VWC2: variants seen among roughly 807,000 people sequenced by gnomAD.
The protein encoded by VWC2 is von Willebrand factor C domain containing 2.
Under a neutral mutation model 29.8 loss-of-function variants are expected in VWC2, and 14 were observed. That is an observed-to-expected ratio of 0.47 (90% CI 0.31 to 0.74). The LOEUF (loss-of-function observed/expected upper bound fraction) is 0.74. VWC2 is among the 30% of genes least tolerant of loss of function. The pLI, the probability that VWC2 is intolerant of heterozygous loss-of-function variation, is 0.05. For synonymous variants in VWC2, 213 were observed against 199.0 expected (o/e 1.07, Z -0.59); for missense variants, 457 against 459.8 (o/e 0.99, Z 0.05).
At chr7:49,819,513 T>C (rs533263443) in intron 3 of VWC2, among the ~76,000 whole-genome samples, 13 of 152,344 alleles carry the variant, frequency 8.5e-5, no homozygotes, top group Admixed American at 3.9e-4. Context: ...GCTGTTTCTT[T>C]ATATTGTAGG....
chr7:49,903,822 AAGAG>A, intron 3 of VWC2, among the ~76,000 whole-genome samples: 1 of 152,288 alleles, frequency 6.6e-6, no homozygotes. Flanking sequence ...AGGCAGAAGA[AAGAG>A]AAAGAACAGC....
chr7:49,846,612 A>G (rs1373480853), intron 3 of VWC2, among the ~76,000 whole-genome samples: 3 of 151,922 alleles, frequency 2.0e-5, no homozygotes, highest in Non-Finnish European at 4.4e-5. Flanking sequence ...TCCTTATTAC[A>G]CTGTTATTAT....
intron 2 of VWC2, among the ~76,000 whole-genome samples, chr7:49,781,778 T>A (rs1490804209): frequency 1.3e-5 from 2 of 152,216 alleles, no homozygotes; most frequent in Non-Finnish European, 2.9e-5. Context: ...TGGCTAAGCA[T>A]TTATTTACAT....
intron 3 of VWC2, among the ~76,000 whole-genome samples, chr7:49,876,773 A>G (rs962500192): frequency 6.6e-6 from 1 of 152,116 alleles, no homozygotes; most frequent in African/African-American, 2.4e-5. Context: ...ATGAATAAAT[A>G]TGGCATAATT....
chr7:49,878,983 G>T (rs1251089241), intron 3 of VWC2, among the ~76,000 whole-genome samples: 1 of 152,106 alleles, frequency 6.6e-6, no homozygotes, highest in East Asian at 1.9e-4. Flanking sequence ...GTCTTCCCAC[G>T]ATATTCTTTA....
At chr7:49,791,860 A>G (rs4917093) in intron 2 of VWC2, among the ~76,000 whole-genome samples, 30,687 of 152,172 alleles carry the variant, frequency 0.2, 4,170 homozygotes, top group East Asian at 0.63. Context: ...CTCAAGAAGT[A>G]CTGATAATGG....
At chr7:49,859,854 G>T (rs1234500711) in intron 3 of VWC2, among the ~76,000 whole-genome samples, 1 of 151,810 alleles carries the variant, frequency 6.6e-6, no homozygotes, top group Non-Finnish European at 1.5e-5. Flanking sequence ...AATCACAATT[G>T]CATTGATGTT....
At chr7:49,880,822 A>G (rs923954336) in intron 3 of VWC2, among the ~76,000 whole-genome samples, 1 of 152,120 alleles carries the variant, frequency 6.6e-6, no homozygotes, top group African/African-American at 2.4e-5. Context: ...TGGCTTCATT[A>G]TGCCACGGGA....
chr7:49,788,834 A>T (rs547863213), intron 2 of VWC2, among the ~76,000 whole-genome samples: 1 of 104,962 alleles, frequency 9.5e-6, no homozygotes, highest in Non-Finnish European at 2.0e-5. Flanking sequence ...ATATGTGGGT[A>T]TGAGTGTGTG....
At chr7:49,795,578 G>A (rs1334499848) in intron 2 of VWC2, among the ~76,000 whole-genome samples, 1 of 152,176 alleles carries the variant, frequency 6.6e-6, no homozygotes, top group African/African-American at 2.4e-5. Flanking sequence ...TCAATAGAAA[G>A]GTTTACCTTT....
intron 3 of VWC2, among the ~76,000 whole-genome samples, chr7:49,811,745 A>C (rs1453827684): frequency 6.6e-6 from 1 of 152,234 alleles, no homozygotes. Context: ...TTTGGAAAAC[A>C]GTTTGGCAGT....
chr7:49,797,268 G>A (rs1376212909), intron 2 of VWC2, among the ~76,000 whole-genome samples: 1 of 152,122 alleles, frequency 6.6e-6, no homozygotes, highest in African/African-American at 2.4e-5. Flanking sequence ...TCTTCTCTAT[G>A]TTTAAATTAA....
At chr7:49,842,939 G>A (rs1276006132) in intron 3 of VWC2, among the ~76,000 whole-genome samples, 1 of 152,066 alleles carries the variant, frequency 6.6e-6, no homozygotes, top group East Asian at 1.9e-4. Flanking sequence ...ACATGTGCAG[G>A]TTTGATACCT....
intron 3 of VWC2, among the ~76,000 whole-genome samples, chr7:49,856,707 T>A (rs1790430448): frequency 6.6e-6 from 1 of 152,174 alleles, no homozygotes; most frequent in Admixed American, 6.5e-5. Context: ...TCTGATGTCC[T>A]TTTGGTTTTG....
intron 2 of VWC2, among the ~76,000 whole-genome samples, chr7:49,791,721 C>T (rs972416671): frequency 2.6e-5 from 4 of 152,180 alleles, no homozygotes; most frequent in African/African-American, 9.7e-5. Flanking sequence ...GCCCTCATTC[C>T]ATCCTCCTCC....
chr7:49,847,549 T>A (rs1472766463), intron 3 of VWC2, among the ~76,000 whole-genome samples: 1 of 152,102 alleles, frequency 6.6e-6, no homozygotes, highest in African/African-American at 2.4e-5. Context: ...CATGAGATGA[T>A]CATCATTGTT....
chr7:49,787,261 T>A (rs2128702717), intron 2 of VWC2, among the ~76,000 whole-genome samples: 1 of 152,358 alleles, frequency 6.6e-6, no homozygotes. Context: ...ACCAAACAGA[T>A]TGGCCCTTCT....
At chr7:49,888,571 A>G (rs962631236) in intron 3 of VWC2, among the ~76,000 whole-genome samples, 1 of 152,194 alleles carries the variant, frequency 6.6e-6, no homozygotes. Context: ...CTGAAGCCTC[A>G]GGCAGCCTGC....
chr7:49,793,251 T>C (rs1373911036), intron 2 of VWC2, among the ~76,000 whole-genome samples: 1 of 152,208 alleles, frequency 6.6e-6, no homozygotes, highest in Non-Finnish European at 1.5e-5. Flanking sequence ...GTGTTTAAAA[T>C]GTATCAAATA....
Sources: gnomAD v4.1 joint callset for allele counts (sites outside exome capture counted in the v4.1 genomes callset) on GRCh38, gnomAD v4.1.1 for gene constraint, MANE v1.5 for transcripts, NCBI Gene and HGNC (gene_info 2026-07-23, HGNC 2026-07-21) for gene names.